The following GRIA4 variants were observed in gnomAD, a reference collection of about 807,000 sequenced individuals.
GRIA4 encodes the protein glutamate receptor 4.
GRIA4 carries 34 observed loss-of-function variants against 104.0 expected under a neutral mutation model. The ratio of observed to expected loss-of-function variants is 0.33; its 90% CI spans 0.25 to 0.44. The LOEUF (loss-of-function observed/expected upper bound fraction) is 0.44, where lower values mean the gene tolerates loss of function less well. Among genes scored for constraint, GRIA4 ranks in the 20% least tolerant of loss-of-function variants. The pLI is 1.00. For missense variants in GRIA4, 750 were observed against 1,096.5 expected, an observed-to-expected ratio of 0.68 and a Z score of 4.46; for synonymous variants, 386 against 381.9, an observed-to-expected ratio of 1.01 and a Z score of -0.13.
chr11:105,690,281 G>C (rs1452700317), intron 3 of GRIA4, among the ~76,000 whole-genome samples: 3 of 152,066 alleles, frequency 2.0e-5, no homozygotes, highest in Non-Finnish European at 4.4e-5. Context: ...TTTCCCTTAT[G>C]TTTAATAATT....
At chr11:105,748,633 T>C (rs1352984142) in intron 3 of GRIA4, among the ~76,000 whole-genome samples, 1 of 152,116 alleles carries the variant, frequency 6.6e-6, no homozygotes, top group Non-Finnish European at 1.5e-5. Context: ...TCCGCCCGCC[T>C]TGGCCTCCCA....
At chr11:105,845,604 C>T (rs149719387) in intron 4 of GRIA4, among the ~76,000 whole-genome samples, 2,117 of 152,242 alleles carry the variant, frequency 0.014, 32 homozygotes, top group Non-Finnish European at 0.018. Context: ...TATCCCAGGC[C>T]GGGCACGGTG....
intron 3 of GRIA4, among the ~76,000 whole-genome samples, chr11:105,697,547 G>T (rs1284253373): frequency 1.3e-5 from 2 of 152,198 alleles, no homozygotes; most frequent in Non-Finnish European, 2.9e-5. Flanking sequence ...AGGCACAGGT[G>T]TGCTTTGCAA....
chr11:105,753,345 T>C (rs1402513748), intron 4 of GRIA4, 125 bp downstream of exon 4: 25 of 861,362 alleles, frequency 2.9e-5, no homozygotes, highest in Non-Finnish European at 4.6e-5. Context: ...AAATGGTTGA[T>C]GTGTATTTTT....
chr11:105,743,757 G>A (rs1262801007), intron 3 of GRIA4, among the ~76,000 whole-genome samples: 3 of 151,986 alleles, frequency 2.0e-5, no homozygotes, highest in South Asian at 4.1e-4. Context: ...AGCTATCCAG[G>A]CTATCACCCA....
At chr11:105,628,308 T>A (rs187505734) in intron 3 of GRIA4, among the ~76,000 whole-genome samples, 6 of 152,316 alleles carry the variant, frequency 3.9e-5, no homozygotes, top group Admixed American at 3.9e-4. Flanking sequence ...ACTTTATAAA[T>A]CACTATATTT....
At chr11:105,744,077 T>C (rs533546375) in intron 3 of GRIA4, among the ~76,000 whole-genome samples, 4 of 152,268 alleles carry the variant, frequency 2.6e-5, no homozygotes, top group African/African-American at 9.6e-5. Flanking sequence ...AGTCTTTCCC[T>C]CCACTCCACC....
chr11:105,732,828 T>C (rs1273194222), intron 3 of GRIA4, among the ~76,000 whole-genome samples: 2 of 152,146 alleles, frequency 1.3e-5, no homozygotes, highest in African/African-American at 4.8e-5. Context: ...CCAAGACTCA[T>C]GAGGTGGTGA....
chr11:105,898,098 T>G (rs572505958), intron 6 of GRIA4, among the ~76,000 whole-genome samples, 171 bp from the exon 7 acceptor site: 1 of 152,182 alleles, frequency 6.6e-6, no homozygotes, highest in Non-Finnish European at 1.5e-5. Context: ...ATTTAACAGC[T>G]AAATAGACAT....
At chr11:105,956,388 C>T (rs1948591282) in intron 14 of GRIA4, among the ~76,000 whole-genome samples, 4 of 151,980 alleles carry the variant, frequency 2.6e-5, no homozygotes, top group Admixed American at 2.0e-4. Flanking sequence ...AATAGTTTGC[C>T]CAGAATGATG....
chr11:105,630,560 C>T (rs957029785), intron 3 of GRIA4, among the ~76,000 whole-genome samples: 5 of 150,838 alleles, frequency 3.3e-5, no homozygotes, highest in African/African-American at 1.2e-4. Flanking sequence ...AAGACTCCTT[C>T]TAGGAAAAAA....
At chr11:105,884,168 G>T (rs557334264) in intron 5 of GRIA4, among the ~76,000 whole-genome samples, 53 of 152,268 alleles carry the variant, frequency 3.5e-4, no homozygotes, top group South Asian at 1.0e-3. Flanking sequence ...CTCACCCTGG[G>T]CATTGTTTTC....
At chr11:105,671,383 G>T (rs1952359030) in intron 3 of GRIA4, among the ~76,000 whole-genome samples, 1 of 151,898 alleles carries the variant, frequency 6.6e-6, no homozygotes, top group Admixed American at 6.6e-5. Context: ...TTCAAAATAA[G>T]AATAACTTTG....
rs1027765676 is a variant in GRIA4, at chr11:105,957,810, G to A, written c.2295-14104G>A. On this transcript the variant is annotated intron_variant, in intron 14 of 16. Transcript: ENST00000282499. Reference sequence around the variant, plus strand: ...ATTGAGCAGTGGTTTGTAGTTCTCCGTGAAGAAGTCCTTCACATCCCTTGT... The same window carrying A: ...ATTGAGCAGTGGTTTGTAGTTCTCCATGAAGAAGTCCTTCACATCCCTTGT... 1.8e-4 allele frequency among the ~76,000 whole-genome samples: 27 copies of A among 152,098 alleles called. No homozygotes were observed. In the East Asian group the frequency reaches 3.5e-3, roughly 20 times the overall value.
intron 4 of GRIA4, among the ~76,000 whole-genome samples, chr11:105,845,281 G>T (rs1944542091): frequency 6.6e-6 from 1 of 152,168 alleles, no homozygotes; most frequent in Non-Finnish European, 1.5e-5. Flanking sequence ...TGCTGTGGCT[G>T]CTTGGGCTTC....
chr11:105,845,969 C>T (rs1189229961), intron 4 of GRIA4, among the ~76,000 whole-genome samples: 1 of 152,138 alleles, frequency 6.6e-6, no homozygotes, highest in African/African-American at 2.4e-5. Flanking sequence ...AAGCCCTTAA[C>T]AGAGTACAGA....
intron 10 of GRIA4, chr11:105,911,932 C>T: frequency 6.4e-7 from 1 of 1,553,992 alleles, no homozygotes; most frequent in Non-Finnish European, 8.8e-7. Context: ...GAGTTCCGCG[C>T]TGTTCGACCA....
At chr11:105,955,192 T>A (rs961086033) in intron 14 of GRIA4, among the ~76,000 whole-genome samples, 1 of 152,146 alleles carries the variant, frequency 6.6e-6, no homozygotes, top group African/African-American at 2.4e-5. Flanking sequence ...GTGCAGAACG[T>A]GCAGATTTGT....
intron 10 of GRIA4, chr11:105,912,465 G>A (rs1291200024): frequency 1.1e-6 from 1 of 943,898 alleles, no homozygotes; most frequent in Non-Finnish European, 1.3e-6. Context: ...TAGTTTTTAG[G>A]AAGCATGCTA....
Sources: allele counts gnomAD v4.1 joint callset (sites outside exome capture counted in the v4.1 genomes callset), GRCh38; gene constraint gnomAD v4.1.1; transcripts MANE v1.5; gene names NCBI Gene and HGNC (gene_info 2026-07-23, HGNC 2026-07-21).